Variants in DLGAP2 observed in about 807,000 individuals in gnomAD.
The protein encoded by DLGAP2 is disks large-associated protein 2.
A neutral mutation model predicts 100.3 loss-of-function variants in DLGAP2; 26 were observed. The ratio of observed to expected loss-of-function variants is 0.26; its 90% CI spans 0.19 to 0.36. DLGAP2 has a LOEUF of 0.36. Among genes scored for constraint, DLGAP2 ranks in the 10% least tolerant of loss-of-function variants. The pLI is 1.00. For missense variants in DLGAP2, 1,858 were observed against 1,453.2 expected (o/e 1.28, Z -4.53); for synonymous variants, 886 against 630.1 (o/e 1.41, Z -6.08).
At chr8:1,507,225 G>A (rs572781273) in intron 4 of DLGAP2, among the ~76,000 whole-genome samples, 1 of 152,226 alleles carries the variant, frequency 6.6e-6, no homozygotes, top group Non-Finnish European at 1.5e-5. Flanking sequence ...CCATCAGGGA[G>A]GCTTGGGCCG....
chr8:1,640,409 A>G (rs1388500648), intron 8 of DLGAP2, among the ~76,000 whole-genome samples: 1 of 152,170 alleles, frequency 6.6e-6, no homozygotes, highest in East Asian at 1.9e-4. Context: ...CCCGCAGCAC[A>G]GCGTAGTCCA....
chr8:1,473,376 T>C, intron 3 of DLGAP2, among the ~76,000 whole-genome samples: 1 of 152,206 alleles, frequency 6.6e-6, no homozygotes, highest in South Asian at 2.1e-4. Context: ...GAACGGAGCC[T>C]GCAGTGAGGG....
intron 1 of DLGAP2, among the ~76,000 whole-genome samples, chr8:798,958 C>T (rs797008955): frequency 1.1e-4 from 16 of 152,380 alleles, no homozygotes; most frequent in African/African-American, 3.8e-4. Context: ...TTGATATTTT[C>T]CTTAGAATCT....
intron 3 of DLGAP2, among the ~76,000 whole-genome samples, chr8:1,339,016 CTAAGGGAAGTG>C (rs1801356892): frequency 6.7e-6 from 1 of 149,904 alleles, no homozygotes; most frequent in African/African-American, 2.5e-5. Flanking sequence ...ATGCAGTGAC[CTAAGGGAAGTG>C]TCAGGACCTG....
chr8:1,301,409 G>C (rs1476569575), intron 3 of DLGAP2: 1 of 152,140 alleles, frequency 6.6e-6, no homozygotes, highest in Non-Finnish European at 1.5e-5. Context: ...AGCAACTGAT[G>C]GGCTTTGAGA....
chr8:1,469,124 C>A (rs1423906235), intron 3 of DLGAP2, among the ~76,000 whole-genome samples: 2 of 152,172 alleles, frequency 1.3e-5, no homozygotes, highest in Non-Finnish European at 2.9e-5. Flanking sequence ...CTGGGCGCCC[C>A]GTGTCCAGCT....
intron 1 of DLGAP2, among the ~76,000 whole-genome samples, chr8:763,813 G>T (rs1404028040): frequency 6.6e-6 from 1 of 152,200 alleles, no homozygotes; most frequent in Non-Finnish European, 1.5e-5. Context: ...TGAAAAGAAT[G>T]AGGCAAACGA....
intron 1 of DLGAP2, among the ~76,000 whole-genome samples, chr8:786,953 G>A (rs1429832581): frequency 6.6e-6 from 1 of 152,158 alleles, no homozygotes; most frequent in Non-Finnish European, 1.5e-5. Flanking sequence ...GCTCTTTCAG[G>A]TGAAGGCAGA....
At chr8:1,042,851 G>A (rs1413869123) in intron 2 of DLGAP2, among the ~76,000 whole-genome samples, 8 of 108,534 alleles carry the variant, frequency 7.4e-5, no homozygotes, top group Non-Finnish European at 1.5e-4. Flanking sequence ...GGTGTGGGTG[G>A]TGGATGTGGG....
intron 1 of DLGAP2, among the ~76,000 whole-genome samples, chr8:832,343 T>C (rs1796798952): frequency 6.6e-6 from 1 of 152,228 alleles, no homozygotes; most frequent in African/African-American, 2.4e-5. Flanking sequence ...TTTTATGGTT[T>C]TAGGTCTAAC....
chr8:1,093,094 T>G (rs1303590277), intron 2 of DLGAP2, among the ~76,000 whole-genome samples: 2 of 152,224 alleles, frequency 1.3e-5, no homozygotes, highest in Non-Finnish European at 2.9e-5. Context: ...TCCTTCCTCC[T>G]TGGGGACCGC....
At chr8:1,231,482 C>T (rs921108121) in intron 2 of DLGAP2, among the ~76,000 whole-genome samples, 2 of 152,148 alleles carry the variant, frequency 1.3e-5, no homozygotes, top group Non-Finnish European at 2.9e-5. Flanking sequence ...CCATTACTGG[C>T]TATGTATCCA....
At chr8:1,275,863 AAT>A (rs1327950664) in intron 3 of DLGAP2, among the ~76,000 whole-genome samples, 2 of 119,896 alleles carry the variant, frequency 1.7e-5, no homozygotes, top group African/African-American at 6.6e-5. Context: ...ATAATATATA[AAT>A]ATATATAATA....
intron 3 of DLGAP2, among the ~76,000 whole-genome samples, chr8:1,494,520 G>C (rs1422227147): frequency 2.6e-5 from 4 of 152,182 alleles, no homozygotes; most frequent in East Asian, 1.9e-4. Context: ...CACGAGGTCA[G>C]GAGTTTGAGA....
intron 2 of DLGAP2, among the ~76,000 whole-genome samples, chr8:1,091,194 C>T (rs949974045): frequency 5.9e-5 from 9 of 152,310 alleles, no homozygotes; most frequent in African/African-American, 7.2e-5. Flanking sequence ...GTCATGTAAA[C>T]GTCACTTCGT....
At position 1,307,275 on chromosome 8, in the gene DLGAP2, A is replaced by G. The variant is rs1386154605; in HGVS notation, c.106+48392A>G. ...AATGACCAATAAGCACAGCAACATC[A>G]TTAATTATTAAGGGAATACAAAGCT... On this transcript the variant is annotated intron_variant, in intron 3 of 14. Coordinates refer to ENST00000637795, the MANE Select transcript of DLGAP2 (RefSeq NM_001346810.2). Among the ~76,000 whole-genome samples, 7 of 152,342 alleles carry G rather than the reference A, an allele frequency of 4.6e-5. No homozygotes were observed. In the East Asian group the frequency reaches 1.4e-3, roughly 29 times the overall value.
intron 10 of DLGAP2, among the ~76,000 whole-genome samples, chr8:1,675,089 TC>T (rs1798780263): frequency 6.6e-6 from 1 of 152,148 alleles, no homozygotes; most frequent in Non-Finnish European, 1.5e-5. Flanking sequence ...AGAACACGCA[TC>T]CCAGTCTAGG....
At chr8:1,103,474 G>C in intron 2 of DLGAP2, among the ~76,000 whole-genome samples, 1 of 143,856 alleles carries the variant, frequency 7.0e-6, no homozygotes, top group South Asian at 2.2e-4. Flanking sequence ...TAACGTTGAT[G>C]ACTGGCGGGG....
chr8:1,253,685 C>T (rs1799104326), intron 2 of DLGAP2, among the ~76,000 whole-genome samples: 1 of 152,100 alleles, frequency 6.6e-6, no homozygotes, highest in Non-Finnish European at 1.5e-5. Flanking sequence ...GTACACAAAA[C>T]CATCAGACAG....
Sources: allele counts gnomAD v4.1 joint callset (sites outside exome capture counted in the v4.1 genomes callset), GRCh38; gene constraint gnomAD v4.1.1; transcripts MANE v1.5; gene names NCBI Gene and HGNC (gene_info 2026-07-23, HGNC 2026-07-21).